RNF17: variants seen among roughly 807,000 people sequenced by gnomAD.
RNF17 encodes the protein spermatogenesis associated 23.
A neutral mutation model predicts 200.5 loss-of-function variants in RNF17; 31 were observed. That is an observed-to-expected ratio of 0.15 (90% CI 0.12 to 0.21). RNF17 has a LOEUF of 0.21. Among genes scored for constraint, RNF17 ranks in the 10% least tolerant of loss-of-function variants. The pLI, the probability that RNF17 is intolerant of heterozygous loss-of-function variation, is 1.00. For synonymous variants in RNF17, 606 were observed against 637.8 expected (o/e 0.95, Z 0.75); for missense variants, 1,628 against 1,905.1 (o/e 0.85, Z 2.71).
rs767331707 is a variant in RNF17, at chr13:24,854,139, T to C, written c.3605T>C (p.Leu1202Pro). 5 of 1,609,096 alleles carry C rather than the reference T, an allele frequency of 3.1e-6. No homozygotes were observed. Among genetic ancestry groups the C allele is most frequent in the South Asian group, 1.1e-5 (1 of 90,532 alleles). ...GGAACTATATTTGTAGTACCTAAACTATCAGGTGAGACCTTCTATGTTATG... is the reference window on the plus strand; with the variant it reads ...GGAACTATATTTGTAGTACCTAAACCATCAGGTGAGACCTTCTATGTTATG... ...DDGTIFVVPK[L>P]SEFELIKMTN... The change falls in exon 25 of 36, where the codon CTA becomes CCA. Residue 1202 changes from leucine (L) to proline (P), a missense_variant. Transcript: ENST00000255324.
At chr13:24,799,117 A>G (rs1884949749) in intron 11 of RNF17, among the ~76,000 whole-genome samples, 1 of 152,138 alleles carries the variant, frequency 6.6e-6, no homozygotes, top group Non-Finnish European at 1.5e-5. Context: ...AGACAGTCTC[A>G]TTCATCTTTG....
chr13:24,772,370 A>G (rs757840200), intron 2 of RNF17, among the ~76,000 whole-genome samples: 1 of 148,744 alleles, frequency 6.7e-6, no homozygotes. Context: ...TTAATTTCAT[A>G]TTAGATGATG....
At chr13:24,876,186 C>T (rs1323395754) in intron 33 of RNF17, among the ~76,000 whole-genome samples, 1 of 152,306 alleles carries the variant, frequency 6.6e-6, no homozygotes, top group African/African-American at 2.4e-5. Flanking sequence ...GTTACCATAG[C>T]TTACAAATGT....
chr13:24,886,223 TA>T, the RNF17 span: 1 of 946,552 alleles, frequency 1.1e-6, no homozygotes, highest in African/African-American at 1.7e-5. Context: ...GATCATATTG[TA>T]AACACTCAAC....
chr13:24,885,277 T>G, the RNF17 span: 15 of 1,578,386 alleles, frequency 9.5e-6, no homozygotes, highest in Non-Finnish European at 1.3e-5. Flanking sequence ...TTTTTTAACC[T>G]TTCCATCAGG....
chr13:24,879,138 G>A, intron 34 of RNF17, 49 bp from the exon 35 acceptor site: 1 of 1,392,930 alleles, frequency 7.2e-7, no homozygotes, highest in Non-Finnish European at 1.0e-6. Context: ...GAGGGAAAAG[G>A]CAGCAAAGAC....
At chr13:24,839,139 A>C (rs34844542) in intron 18 of RNF17, among the ~76,000 whole-genome samples, 1 of 151,834 alleles carries the variant, frequency 6.6e-6, no homozygotes, top group African/African-American at 2.4e-5. Context: ...TCTAGAAGGA[A>C]AACTACAAAA....
upstream of RNF17, chr13:24,764,066 G>A (rs1395900726): frequency 2.6e-6 from 2 of 770,946 alleles, no homozygotes; most frequent in Non-Finnish European, 4.1e-6. Context: ...GCCCCATCAG[G>A]AGCGAGCTTG....
chr13:24,845,815 T>C (rs993732510), intron 22 of RNF17, among the ~76,000 whole-genome samples: 15 of 152,102 alleles, frequency 9.9e-5, no homozygotes, highest in Admixed American at 3.9e-4. Context: ...CCGTATAACC[T>C]CTTGAAAGTA....
chr13:24,884,886 G>A (rs7992931), downstream of RNF17, among the ~76,000 whole-genome samples: 90 of 152,130 alleles, frequency 5.9e-4, 1 homozygote, highest in African/African-American at 1.9e-3. Context: ...CCTCTAACCT[G>A]TATATATCCC....
chr13:24,769,957 A>C (rs1880412882), intron 2 of RNF17, among the ~76,000 whole-genome samples: 2 of 152,326 alleles, frequency 1.3e-5, no homozygotes, highest in South Asian at 4.1e-4. Context: ...AATTTTGCAC[A>C]GCAAAATGAC....
intron 3 of RNF17, among the ~76,000 whole-genome samples, chr13:24,775,258 GTTT>G (rs1408915066): frequency 2.6e-5 from 4 of 152,012 alleles, no homozygotes; most frequent in African/African-American, 9.7e-5. Flanking sequence ...AAAATTCTAA[GTTT>G]TTTTAAAGAC....
Position 24,779,658 on chromosome 13 carries a change from C to T in RNF17, c.430-9C>T. 1 of 1,599,340 alleles carries T rather than the reference C, an allele frequency of 6.3e-7. No homozygotes were observed. Among genetic ancestry groups the T allele is most frequent in the Non-Finnish European group, 8.6e-7 (1 of 1,167,632 alleles). Reference sequence around the variant, plus strand: ...TTTATATTTGTATGTGATTTCCCTCCCTTCTTAGGACACTAATACTGCAGA... The same window carrying T: ...TTTATATTTGTATGTGATTTCCCTCTCTTCTTAGGACACTAATACTGCAGA... On this transcript the variant is annotated splice_polypyrimidine_tract_variant and intron_variant, in intron 4 of 35. Transcript: ENST00000255324.
chr13:24,849,999 A>C (rs78240136), intron 22 of RNF17, among the ~76,000 whole-genome samples: 2,258 of 152,284 alleles, frequency 0.015, 59 homozygotes, highest in African/African-American at 0.047. Flanking sequence ...GTTCTCTTGG[A>C]GTTTACAGTC....
chr13:24,842,260 G>C, intron 19 of RNF17, 99 bp downstream of exon 19: 1 of 1,060,910 alleles, frequency 9.4e-7, no homozygotes, highest in East Asian at 2.7e-5. Context: ...TTGGAGATGA[G>C]CTTAGACTGT....
the RNF17 span, among the ~76,000 whole-genome samples, chr13:24,887,679 T>C: frequency 6.6e-6 from 1 of 151,430 alleles, no homozygotes; most frequent in Non-Finnish European, 1.5e-5. Context: ...GTAATAATAT[T>C]AGAATTAAAG....
chr13:24,827,356 C>T (rs963025629), intron 16 of RNF17, among the ~76,000 whole-genome samples: 4 of 151,962 alleles, frequency 2.6e-5, no homozygotes, highest in Non-Finnish European at 5.9e-5. Flanking sequence ...ATTCTTGCAA[C>T]CTGAGTTTTC....
chr13:24,840,643 A>T (rs546171212), intron 18 of RNF17, among the ~76,000 whole-genome samples: 18 of 152,160 alleles, frequency 1.2e-4, no homozygotes, highest in African/African-American at 4.3e-4. Flanking sequence ...GAGTGAAATA[A>T]CTCAGGAATG....
upstream of RNF17, among the ~76,000 whole-genome samples, chr13:24,763,369 A>ATTTTTT (rs34750040): frequency 7.0e-5 from 8 of 114,708 alleles, no homozygotes; most frequent in Admixed American, 1.0e-4. Flanking sequence ...CGTCCGGCTA[A>ATTTTTT]TTTTTTTTTT....
Sources: allele counts gnomAD v4.1 joint callset (sites outside exome capture counted in the v4.1 genomes callset), GRCh38; gene constraint gnomAD v4.1.1; transcripts MANE v1.5; gene names NCBI Gene and HGNC (gene_info 2026-07-23, HGNC 2026-07-21).